The following PTPRG variants were observed in gnomAD, a reference collection of about 807,000 sequenced individuals.
PTPRG encodes receptor-type tyrosine-protein phosphatase gamma.
PTPRG carries 102 observed loss-of-function variants against 165.3 expected under a neutral mutation model. The observed-to-expected ratio is 0.62, with a 90% CI of 0.53 to 0.73. The LOEUF (loss-of-function observed/expected upper bound fraction) is 0.73. PTPRG is among the 30% of genes least tolerant of loss of function. The probability of loss-of-function intolerance (pLI) is 0.00; values close to 1 mark genes in which losing one functional copy is unlikely to be tolerated. For synonymous variants in PTPRG, 675 were observed against 669.5 expected (o/e 1.01, Z -0.13); for missense variants, 1,866 against 1,861.4 (o/e 1.00, Z -0.05).
intron 4 of PTPRG, among the ~76,000 whole-genome samples, chr3:62,067,037 T>TGAAAAA (rs759567324): frequency 2.1e-5 from 1 of 48,182 alleles, no homozygotes; most frequent in Non-Finnish European, 4.2e-5. Flanking sequence ...AGATTCTGAC[T>TGAAAAA]CAAAAAAAAA....
intron 1 of PTPRG, among the ~76,000 whole-genome samples, chr3:61,736,726 C>T (rs1016550089): frequency 1.3e-5 from 2 of 152,138 alleles, no homozygotes; most frequent in African/African-American, 4.8e-5. Context: ...CCCTGGGGAT[C>T]GGAGTGAGGA....
At chr3:61,842,684 C>CAAAAAAAAAAAAAAAAAAAAA (rs199500194) in intron 2 of PTPRG, among the ~76,000 whole-genome samples, 1 of 121,648 alleles carries the variant, frequency 8.2e-6, no homozygotes, top group Non-Finnish European at 1.7e-5. Context: ...GTATGTGTGG[C>CAAAAAAAAAAAAAAAAAAAAA]AAAAAAAAAA....
intron 1 of PTPRG, among the ~76,000 whole-genome samples, chr3:61,730,959 T>C (rs909088623): frequency 2.6e-5 from 4 of 152,232 alleles, no homozygotes; most frequent in Non-Finnish European, 5.9e-5. Flanking sequence ...ATAATGAAAT[T>C]GTCCTATTTT....
intron 1 of PTPRG, among the ~76,000 whole-genome samples, chr3:61,660,629 C>T (rs1215551200): frequency 1.3e-5 from 2 of 152,150 alleles, no homozygotes; most frequent in South Asian, 2.1e-4. Flanking sequence ...AAGACCATTT[C>T]AGAGGAAGCT....
chr3:62,064,513 T>C (rs977446058), intron 4 of PTPRG, among the ~76,000 whole-genome samples: 1 of 151,988 alleles, frequency 6.6e-6, no homozygotes, highest in Admixed American at 6.6e-5. Context: ...CCTCCGTAGG[T>C]TCTACCATTC....
At chr3:61,926,125 G>A (rs56403721) in intron 2 of PTPRG, among the ~76,000 whole-genome samples, 75 of 152,302 alleles carry the variant, frequency 4.9e-4, no homozygotes, top group African/African-American at 1.7e-3. Context: ...AGAGGTAATG[G>A]AGGGCTATTT....
At chr3:61,587,181 G>T (rs752016980) in intron 1 of PTPRG, among the ~76,000 whole-genome samples, 3 of 152,166 alleles carry the variant, frequency 2.0e-5, no homozygotes, top group East Asian at 1.9e-4. Flanking sequence ...AAGCAAACAG[G>T]CATGCTGTGT....
rs190905091 is a variant in PTPRG, at chr3:61,974,920, A to G, written c.191-14705A>G. ...TTGAAATTGTCCTTCAGATTTGCCT[A>G]ACATCCTAACTGCCCACCAGTACCA... On this transcript the variant is annotated intron_variant, in intron 2 of 29. Transcript: ENST00000474889. 4.6e-5 allele frequency among the ~76,000 whole-genome samples: 7 copies of G among 152,278 alleles called. No homozygotes were observed. The East Asian group carries it at 1.4e-3, about 29-fold the overall frequency.
At chr3:61,930,699 C>A (rs2039337660) in intron 2 of PTPRG, among the ~76,000 whole-genome samples, 1 of 152,096 alleles carries the variant, frequency 6.6e-6, no homozygotes, top group African/African-American at 2.4e-5. Context: ...TCCAAAATTA[C>A]AATTATAGTT....
At chr3:61,688,713 C>T (rs959526323) in intron 1 of PTPRG, among the ~76,000 whole-genome samples, 26 of 152,214 alleles carry the variant, frequency 1.7e-4, no homozygotes, top group Admixed American at 1.7e-3. Flanking sequence ...ATAGTCAGTA[C>T]CCTTGTCAGC....
chr3:61,642,063 T>G (rs541418632), intron 1 of PTPRG, among the ~76,000 whole-genome samples: 1 of 152,272 alleles, frequency 6.6e-6, no homozygotes, highest in Non-Finnish European at 1.5e-5. Flanking sequence ...AGAGTTGTTT[T>G]TGTGTTGCCC....
chr3:61,919,805 A>G lies in PTPRG; in HGVS notation c.191-69820A>G, dbSNP rs77296322. ...AAAAAAGTTTCTGGAATTGCTTAAA[A>G]ACTTGTTACATGTGCCTTCCCTCAC... On this transcript the variant is annotated intron_variant, in intron 2 of 29. Transcript: ENST00000474889. Among the ~76,000 whole-genome samples the G allele has an allele frequency of 3.2e-4, 49 of 152,278 alleles. 1 individual carries two copies. In the East Asian group the frequency reaches 6.8e-3, roughly 21 times the overall value.
At chr3:62,049,186 C>G (rs1484070316) in intron 4 of PTPRG, among the ~76,000 whole-genome samples, 2 of 151,968 alleles carry the variant, frequency 1.3e-5, no homozygotes, top group African/African-American at 4.8e-5. Flanking sequence ...CTTCAGCTGA[C>G]TCAGTACTCA....
intron 2 of PTPRG, among the ~76,000 whole-genome samples, chr3:61,830,575 T>G (rs1373058382): frequency 1.3e-4 from 18 of 136,232 alleles, no homozygotes; most frequent in African/African-American, 3.2e-4. Flanking sequence ...TGTTTTTTTT[T>G]TTTTTTTTTT....
chr3:62,102,092 T>C (rs1467114228), intron 5 of PTPRG, among the ~76,000 whole-genome samples: 1 of 152,196 alleles, frequency 6.6e-6, no homozygotes, highest in Non-Finnish European at 1.5e-5. Context: ...AGTAATATTT[T>C]GGTAGCAGGA....
At chr3:61,920,993 T>C (rs2039063680) in intron 2 of PTPRG, among the ~76,000 whole-genome samples, 1 of 152,148 alleles carries the variant, frequency 6.6e-6, no homozygotes, top group Non-Finnish European at 1.5e-5. Flanking sequence ...ATACCAGAAA[T>C]CTTGGCTTAT....
At chr3:61,791,387 A>G (rs1329541360) in intron 2 of PTPRG, among the ~76,000 whole-genome samples, 2 of 152,250 alleles carry the variant, frequency 1.3e-5, no homozygotes, top group Admixed American at 6.5e-5. Flanking sequence ...TTACCAAGTG[A>G]CTTTAGGAAC....
rs1234015518 is a variant in PTPRG at position 62,166,422 on chromosome 3, C to T, written c.841-1549C>T. 8.6e-5 allele frequency among the ~76,000 whole-genome samples: 13 copies of T among 151,070 alleles called. 1 individual carries two copies. Among genetic ancestry groups the T allele is most frequent in the Admixed American group, 7.9e-4 (12 of 15,170 alleles). On this transcript the variant is annotated intron_variant, in intron 7 of 29. Coordinates refer to ENST00000474889, the MANE Select transcript of PTPRG (RefSeq NM_002841.4). ...CACAATCTCGGTGCACTGCAGCCTC[C>T]GCCTCCCAGGTTCAAGCAATTCTCA... is the stretch of plus-strand genomic sequence containing the variant.
rs1325083115 is a variant in PTPRG at position 62,271,422 on chromosome 3, G to A, written c.3049G>A (p.Val1017Ile). 6.2e-7 allele frequency: 1 copy of A among 1,612,546 alleles called. No individual in the cohort carries two copies. Among genetic ancestry groups the A allele is most frequent in the Non-Finnish European group, 8.5e-7 (1 of 1,179,052 alleles). ...GNPKGRQNER[V>I]VIQYHYTQWP... Reference sequence around the variant, plus strand: ...TCCCAAGGGTCGTCAGAATGAAAGGGTAGTGATCCAGTATCACTATACACA... The same window carrying A: ...TCCCAAGGGTCGTCAGAATGAAAGGATAGTGATCCAGTATCACTATACACA... The change falls in exon 21 of 30, where the codon GTA becomes ATA. Residue 1017 changes from valine to isoleucine, a missense_variant. Physicochemically the swap from Val to Ile is conservative, Grantham distance 29. Transcript: ENST00000474889. This position sits in a 1 kb window ranked among gnomAD's most constrained non-coding sequence, Gnocchi z 4.1.
Sources: allele counts gnomAD v4.1 joint callset (sites outside exome capture counted in the v4.1 genomes callset), GRCh38; gene constraint gnomAD v4.1.1; non-coding constraint Gnocchi (gnomAD v3.1); transcripts MANE v1.5; gene names NCBI Gene and HGNC (gene_info 2026-07-23, HGNC 2026-07-21).